HADH: variants seen among roughly 807,000 people sequenced by gnomAD.
HADH encodes hydroxyacyl-coenzyme A dehydrogenase, mitochondrial.
A neutral mutation model predicts 32.2 loss-of-function variants in HADH; 24 were observed. That is an observed-to-expected ratio of 0.75 (90% CI 0.54 to 1.05). HADH has a LOEUF of 1.05. HADH is among the 50% of genes least tolerant of loss of function. The pLI is 0.00. For missense variants in HADH, 350 were observed against 397.1 expected (o/e 0.88, Z 1.01); for synonymous variants, 139 against 152.5 (o/e 0.91, Z 0.65).
chr4:108,032,701 G>C (rs1267088451), intron 6 of HADH: 1 of 330,122 alleles, frequency 3.0e-6, no homozygotes, highest in Non-Finnish European at 5.7e-6. Flanking sequence ...GAAAATCTTG[G>C]GCCACACACT....
chr4:107,991,719 C>T (rs754500702), intron 1 of HADH, among the ~76,000 whole-genome samples: 1 of 152,154 alleles, frequency 6.6e-6, no homozygotes, highest in South Asian at 2.1e-4. Flanking sequence ...AGTTTGAGTA[C>T]GTTTGTATTC....
chr4:108,032,183 TA>T (rs1736289920), intron 6 of HADH: 3 of 530,638 alleles, frequency 5.7e-6, no homozygotes, highest in Non-Finnish European at 1.0e-5. Context: ...AAATTCTAGA[TA>T]GCCACCTGTT....
At chr4:108,022,516 C>T (rs532963116) in intron 4 of HADH, among the ~76,000 whole-genome samples, 1 of 152,160 alleles carries the variant, frequency 6.6e-6, no homozygotes, top group South Asian at 2.1e-4. Flanking sequence ...GTTCTGAAGC[C>T]AAGGGGCCGC....
intron 2 of HADH, among the ~76,000 whole-genome samples, chr4:108,013,626 C>G (rs552233826): frequency 6.6e-6 from 1 of 152,186 alleles, no homozygotes; most frequent in South Asian, 2.1e-4. Flanking sequence ...TAGCTACTCA[C>G]AAGTGGCTAC....
At chr4:108,020,514 T>C (rs923896138) in intron 4 of HADH, among the ~76,000 whole-genome samples, 3 of 151,918 alleles carry the variant, frequency 2.0e-5, no homozygotes, top group African/African-American at 7.2e-5. Context: ...CAGCTTCTGA[T>C]AGCCTTGAGC....
At chr4:108,005,028 C>T in intron 1 of HADH, 1 of 673,954 alleles carries the variant, frequency 1.5e-6, no homozygotes, top group South Asian at 2.3e-5. Context: ...CTGTAACTCA[C>T]CATATATACC....
At chr4:108,009,674 G>A (rs192712052) in intron 1 of HADH, 85 bp from the exon 2 acceptor site, 157 of 1,089,354 alleles carry the variant, frequency 1.4e-4, no homozygotes, top group Non-Finnish European at 2.0e-4. Flanking sequence ...AATATGAAAT[G>A]CCACTGTTTT....
At chr4:108,012,595 A>G (rs1298010608) in intron 2 of HADH, among the ~76,000 whole-genome samples, 1 of 152,246 alleles carries the variant, frequency 6.6e-6, no homozygotes, top group Non-Finnish European at 1.5e-5. Context: ...GCAAAGGCAG[A>G]TGAGAACAAA....
chr4:108,014,319 C>A, intron 2 of HADH, 112 bp from the exon 3 acceptor site: 1 of 1,110,962 alleles, frequency 9.0e-7, no homozygotes, highest in Non-Finnish European at 1.4e-6. Flanking sequence ...ATAGGGTAGG[C>A]CAATACAGGT....
intron 6 of HADH, chr4:108,028,066 A>G: frequency 2.1e-6 from 1 of 465,282 alleles, no homozygotes; most frequent in Non-Finnish European, 3.9e-6. Context: ...CTTTTGATTA[A>G]AAGGTTTACT....
At chr4:108,012,563 A>C (rs2126228161) in intron 2 of HADH, among the ~76,000 whole-genome samples, 1 of 152,288 alleles carries the variant, frequency 6.6e-6, no homozygotes, top group East Asian at 1.9e-4. Context: ...ATTGGCTAGC[A>C]ACTTAGAACT....
chr4:108,033,155 G>A (rs377234962), intron 6 of HADH, 21 bp from the exon 7 acceptor site: 21 of 1,189,970 alleles, frequency 1.8e-5, no homozygotes, highest in Non-Finnish European at 2.7e-5. Context: ...TGGTGACCCA[G>A]TGCTGCCGTT....
intron 2 of HADH, 87 bp downstream of exon 2, chr4:108,009,974 T>TTTA: frequency 1.3e-5 from 11 of 836,634 alleles, no homozygotes; most frequent in Admixed American, 3.0e-5. Flanking sequence ...GCTTTCTTTC[T>TTTA]TTCTTTTTTT....
intron 3 of HADH, among the ~76,000 whole-genome samples, chr4:108,014,891 T>C (rs972015350): frequency 2.0e-5 from 3 of 152,190 alleles, no homozygotes; most frequent in Non-Finnish European, 4.4e-5. Flanking sequence ...TGAGAACATA[T>C]GGTATTTGAC....
intron 7 of HADH, 105 bp from the exon 8 acceptor site, chr4:108,034,134 G>A: frequency 2.4e-6 from 2 of 820,754 alleles, no homozygotes; most frequent in Non-Finnish European, 2.2e-6. Context: ...TGCCTGGGGG[G>A]CTCTCCCACA....
At chr4:108,009,927 G>T in intron 2 of HADH, 40 bp downstream of exon 2, 2 of 1,438,460 alleles carry the variant, frequency 1.4e-6, no homozygotes, top group South Asian at 2.3e-5. Flanking sequence ...CAAGTCCTCT[G>T]ACTGCTTTAC....
At chr4:107,997,485 T>C (rs1206388296) in intron 1 of HADH, among the ~76,000 whole-genome samples, 1 of 152,100 alleles carries the variant, frequency 6.6e-6, no homozygotes, top group East Asian at 1.9e-4. Context: ...CTGCTTGGCA[T>C]GTTTACTTGG....
At chr4:108,006,400 T>C (rs1735294143) in intron 1 of HADH, among the ~76,000 whole-genome samples, 1 of 152,086 alleles carries the variant, frequency 6.6e-6, no homozygotes, top group Non-Finnish European at 1.5e-5. Flanking sequence ...TTTTTAAAAA[T>C]AGCAATGACT....
intron 3 of HADH, among the ~76,000 whole-genome samples, chr4:108,015,476 C>T (rs1735662852): frequency 6.6e-6 from 1 of 152,320 alleles, no homozygotes; most frequent in African/African-American, 2.4e-5. Context: ...TTGACAGATT[C>T]TGAGGGGTCC....
Sources: gnomAD v4.1 joint callset for allele counts (sites outside exome capture counted in the v4.1 genomes callset) on GRCh38, gnomAD v4.1.1 for gene constraint, MANE v1.5 for transcripts, NCBI Gene and HGNC (gene_info 2026-07-23, HGNC 2026-07-21) for gene names.